The following OOSP4B variants were observed in gnomAD, a reference collection of about 807,000 sequenced individuals.
OOSP4B encodes the protein oocyte-secreted protein 4B.
intron 3 of OOSP4B, among the ~76,000 whole-genome samples, chr11:60,027,113 C>T (rs1163721886): frequency 6.6e-6 from 1 of 151,904 alleles, no homozygotes; most frequent in Admixed American, 6.6e-5. Context: ...GGGCATAGTC[C>T]CCAGTAGGTA....
chr11:60,020,556 C>T (rs1278861699), intron 1 of OOSP4B, among the ~76,000 whole-genome samples: 1 of 152,244 alleles, frequency 6.6e-6, no homozygotes, highest in Non-Finnish European at 1.5e-5. Flanking sequence ...TTGCGCTGGC[C>T]TGCAAGCACA....
At chr11:60,018,910 A>G (rs950175283) in intron 1 of OOSP4B, among the ~76,000 whole-genome samples, 6 of 152,212 alleles carry the variant, frequency 3.9e-5, no homozygotes, top group Admixed American at 2.6e-4. Context: ...AGGGAGTAAA[A>G]TGAGTTAAAA....
At chr11:60,030,933 A>G in exon 5 of OOSP4B, 1 of 397,206 alleles carries the variant, frequency 2.5e-6, no homozygotes, top group Non-Finnish European at 4.4e-6. Context: ...GTGTCTGTAC[A>G]AAGATGAGTA....
rs61649958 is a variant in OOSP4B at position 60,027,655 on chromosome 11, T to TAAAAAAAAAAAAAAAAAAAAAAAAA, written c.303-2126_303-2102dup. ...TCTAAGCAGGTAAAGGCTATGATAT[T>TAAAAAAAAAAAAAAAAAAAAAAAAA]AAAAAAAAAAAAAAAAAAAAAAAAA... On this transcript the variant is annotated intron_variant, in intron 3 of 4. Coordinates refer to ENST00000642343, the Ensembl canonical transcript of OOSP4B. Among the ~76,000 whole-genome samples the TAAAAAAAAAAAAAAAAAAAAAAAAA allele has an allele frequency of 2.2e-4, 14 of 62,236 alleles. 2 individuals are homozygous for TAAAAAAAAAAAAAAAAAAAAAAAAA. Among genetic ancestry groups the TAAAAAAAAAAAAAAAAAAAAAAAAA allele is most frequent in the Non-Finnish European group, 3.7e-4 (11 of 29,862 alleles). The allele number at this position is 62,236 out of a possible 152,430, so 40.8% of individuals were successfully genotyped here.
chr11:60,018,615 G>A (rs912716281), intron 1 of OOSP4B, among the ~76,000 whole-genome samples: 4 of 152,188 alleles, frequency 2.6e-5, no homozygotes, highest in African/African-American at 7.2e-5. Flanking sequence ...AACAACCGAA[G>A]CTAATGACCG....
chr11:60,027,655 TAAAAAAAAA>T (rs61649958), intron 3 of OOSP4B, among the ~76,000 whole-genome samples: 2,006 of 62,254 alleles, frequency 0.032, 109 homozygotes, highest in African/African-American at 0.089. Flanking sequence ...GCTATGATAT[TAAAAAAAAA>T]AAAAAAAAAA....
At chr11:60,022,144 G>A (rs1455957817) in intron 1 of OOSP4B, 3 of 152,128 alleles carry the variant, frequency 2.0e-5, no homozygotes, top group Non-Finnish European at 4.4e-5. Flanking sequence ...GCCTGGCCCT[G>A]CAAGCTTTGC....
At chr11:60,017,955 C>G (rs1015431474) in intron 1 of OOSP4B, among the ~76,000 whole-genome samples, 2 of 152,088 alleles carry the variant, frequency 1.3e-5, no homozygotes, top group Non-Finnish European at 2.9e-5. Context: ...CAGTTGAGCC[C>G]CAGCATTGTA....
At chr11:60,018,445 A>G (rs1854648034) in intron 1 of OOSP4B, among the ~76,000 whole-genome samples, 1 of 152,168 alleles carries the variant, frequency 6.6e-6, no homozygotes, top group South Asian at 2.1e-4. Context: ...CTTTGGTTAT[A>G]ATCTCAGTGA....
chr11:60,018,004 GTCTC>G (rs1854643505), intron 1 of OOSP4B, among the ~76,000 whole-genome samples: 1 of 152,158 alleles, frequency 6.6e-6, no homozygotes, highest in South Asian at 2.1e-4. Context: ...TACTTTTGAA[GTCTC>G]TCTAATTTTG....
chr11:60,029,414 T>C (rs1354052233), intron 3 of OOSP4B, among the ~76,000 whole-genome samples: 1 of 152,192 alleles, frequency 6.6e-6, no homozygotes, highest in African/African-American at 2.4e-5. Flanking sequence ...TTTGCATACA[T>C]ATGGGTCTCT....
At chr11:60,030,188 A>G (rs1160761453) in intron 4 of OOSP4B, among the ~76,000 whole-genome samples, 1 of 152,172 alleles carries the variant, frequency 6.6e-6, no homozygotes, top group Non-Finnish European at 1.5e-5. Context: ...TTCATTTTCA[A>G]TATAGCCTGT....
chr11:60,028,184 G>C (rs1236837959), intron 3 of OOSP4B, among the ~76,000 whole-genome samples: 1 of 145,500 alleles, frequency 6.9e-6, no homozygotes, highest in African/African-American at 2.5e-5. Flanking sequence ...TTCTTTTTTT[G>C]AGACGGCGTC....
chr11:60,020,988 A>G (rs558571213), intron 1 of OOSP4B, among the ~76,000 whole-genome samples: 1 of 152,364 alleles, frequency 6.6e-6, no homozygotes, highest in South Asian at 2.1e-4. Context: ...TGGTCTAGCC[A>G]TAATGCTTGG....
At chr11:60,030,844 TA>T (rs1366120695) in exon 5 of OOSP4B, 1 of 398,258 alleles carries the variant, frequency 2.5e-6, no homozygotes. Context: ...ATGCCTGTGT[TA>T]TAACACCCTC....
chr11:60,022,738 A>G (rs1424910813), intron 1 of OOSP4B, among the ~76,000 whole-genome samples: 1 of 152,026 alleles, frequency 6.6e-6, no homozygotes, highest in Non-Finnish European at 1.5e-5. Context: ...AGAGATGAAG[A>G]TGTGGTTTTT....
chr11:60,025,866 T>C (rs1388763338), intron 3 of OOSP4B, among the ~76,000 whole-genome samples: 5 of 152,214 alleles, frequency 3.3e-5, no homozygotes, highest in Non-Finnish European at 4.4e-5. Flanking sequence ...GAGGAATGTA[T>C]GGGAGTCCAG....
At chr11:60,025,493 C>A (rs1004243720) in intron 3 of OOSP4B, among the ~76,000 whole-genome samples, 3 of 152,162 alleles carry the variant, frequency 2.0e-5, no homozygotes, top group Non-Finnish European at 4.4e-5. Context: ...CCTCACTGTT[C>A]TTGTCTCTTC....
chr11:60,026,470 A>T (rs2134627637), intron 3 of OOSP4B, among the ~76,000 whole-genome samples: 1 of 152,246 alleles, frequency 6.6e-6, no homozygotes, highest in Non-Finnish European at 1.5e-5. Flanking sequence ...GCTCTTATTT[A>T]TGTCTTAATG....
Sources: gnomAD v4.1 joint callset for allele counts (sites outside exome capture counted in the v4.1 genomes callset) on GRCh38, gnomAD v4.1.1 for gene constraint, MANE v1.5 for transcripts, NCBI Gene and HGNC (gene_info 2026-07-23, HGNC 2026-07-21) for gene names.